The following KDM4C variants were observed in gnomAD, a reference collection of about 807,000 sequenced individuals.
KDM4C encodes lysine demethylase 4C, also known as lysine-specific demethylase 4C.
Under a neutral mutation model 129.3 loss-of-function variants are expected in KDM4C, and 81 were observed. That is an observed-to-expected ratio of 0.63 (90% CI 0.52 to 0.75). The LOEUF (loss-of-function observed/expected upper bound fraction) is 0.75. KDM4C is among the 30% of genes least tolerant of loss of function. KDM4C has a pLI of 0.00. For synonymous variants in KDM4C, 573 were observed against 456.1 expected, an observed-to-expected ratio of 1.26 and a Z score of -3.26; for missense variants, 1,457 against 1,304.0, an observed-to-expected ratio of 1.12 and a Z score of -1.81.
At chr9:6,742,681 A>AT (rs34282709) in intron 1 of KDM4C, among the ~76,000 whole-genome samples, 115,458 of 145,234 alleles carry the variant, frequency 0.79, 46,179 homozygotes, top group African/African-American at 0.92. Context: ...GGGGTGGGGA[A>AT]TTTTTTTTTT....
At chr9:6,918,488 C>G (rs1402401335) in intron 8 of KDM4C, among the ~76,000 whole-genome samples, 2 of 152,152 alleles carry the variant, frequency 1.3e-5, no homozygotes. Flanking sequence ...ATATAGAGTG[C>G]ATGTGTCTTT....
chr9:7,135,112 A>G (rs1841050790), intron 19 of KDM4C, among the ~76,000 whole-genome samples: 1 of 152,174 alleles, frequency 6.6e-6, no homozygotes, highest in African/African-American at 2.4e-5. Flanking sequence ...TGTGTGTCTC[A>G]CTGACCCCAA....
At chr9:6,857,922 GTTTTTTTTTTT>G (rs71487861) in intron 5 of KDM4C, among the ~76,000 whole-genome samples, 6 of 103,116 alleles carry the variant, frequency 5.8e-5, no homozygotes, top group East Asian at 6.5e-4. Flanking sequence ...ATCTGGCTAA[GTTTTTTTTTTT>G]TTTTTTTTTT....
In KDM4C at chr9:6,957,908, G is replaced by T. The variant is rs542471846; in HGVS notation, c.922-23017G>T. On this transcript the variant is annotated intron_variant, in intron 8 of 21. Transcript: ENST00000381309. ...TCGAGTACATATATTTTTAATTGAT[G>T]ATGGTAATAATAAACAGTGTTATCG... Among the ~76,000 whole-genome samples the T allele has an allele frequency of 1.1e-4, 16 of 152,282 alleles. No individual in the cohort carries two copies. In the South Asian group the frequency reaches 3.1e-3, roughly 30 times the overall value.
At chr9:7,119,467 A>G (rs531073605) in intron 18 of KDM4C, among the ~76,000 whole-genome samples, 3 of 152,302 alleles carry the variant, frequency 2.0e-5, no homozygotes, top group Non-Finnish European at 2.9e-5. Flanking sequence ...AATGGAAATC[A>G]TATTACCATT....
At chr9:6,885,696 AG>A (rs1404752495) in intron 6 of KDM4C, among the ~76,000 whole-genome samples, 1 of 151,890 alleles carries the variant, frequency 6.6e-6, no homozygotes, top group Non-Finnish European at 1.5e-5. Context: ...AGTGAGAGTG[AG>A]TATGAACCAT....
At chr9:6,887,144 C>A (rs1029968509) in intron 6 of KDM4C, among the ~76,000 whole-genome samples, 8 of 152,166 alleles carry the variant, frequency 5.3e-5, no homozygotes, top group African/African-American at 1.7e-4. Flanking sequence ...TTTTCCAATC[C>A]CTTCAGCATG....
intron 4 of KDM4C, among the ~76,000 whole-genome samples, chr9:6,821,595 G>A (rs1225440702): frequency 1.3e-5 from 2 of 151,754 alleles, no homozygotes; most frequent in African/African-American, 4.8e-5. Flanking sequence ...AAATTTGTTT[G>A]AGTTCTTTGT....
intron 5 of KDM4C, among the ~76,000 whole-genome samples, chr9:6,861,347 G>C (rs1340971835): frequency 1.3e-5 from 2 of 152,162 alleles, no homozygotes; most frequent in Non-Finnish European, 2.9e-5. Flanking sequence ...TCATAGATAT[G>C]TGCAGTTTCA....
intron 8 of KDM4C, among the ~76,000 whole-genome samples, chr9:6,946,570 C>G (rs561273000): frequency 3.7e-4 from 56 of 152,018 alleles, no homozygotes; most frequent in Non-Finnish European, 6.3e-4. Context: ...AAATCTCTAC[C>G]AAGTTTCTGT....
At chr9:7,150,894 C>A (rs994796439) in intron 19 of KDM4C, among the ~76,000 whole-genome samples, 2 of 152,148 alleles carry the variant, frequency 1.3e-5, no homozygotes, top group Non-Finnish European at 2.9e-5. Flanking sequence ...GAAAATATAC[C>A]TCTGAGGCTT....
chr9:7,028,541 C>T (rs990548767), intron 15 of KDM4C, among the ~76,000 whole-genome samples: 3 of 151,800 alleles, frequency 2.0e-5, no homozygotes, highest in African/African-American at 7.3e-5. Flanking sequence ...GCTCTGCTGC[C>T]TGAAATTGAG....
At position 7,081,928 on chromosome 9, in the gene KDM4C, G is replaced by A. The variant is rs760713417; in HGVS notation, c.2425-21757G>A. Among the ~76,000 whole-genome samples the A allele has an allele frequency of 2.6e-5, 4 of 152,244 alleles. No individual in the cohort carries two copies. The East Asian group carries it at 7.7e-4, about 29-fold the overall frequency. ...TCCTTTAGAAATTGAATCAGAGCAG[G>A]AACCCAGAGAGCTAGTTGCCGGCTA... is the stretch of plus-strand genomic sequence containing the variant. On this transcript the variant is annotated intron_variant, in intron 17 of 21. Transcript: ENST00000381309.
chr9:6,995,907 A>C (rs931105431), intron 12 of KDM4C, among the ~76,000 whole-genome samples: 21 of 152,102 alleles, frequency 1.4e-4, no homozygotes, highest in East Asian at 1.2e-3. Context: ...TGACCTCGTG[A>C]TCTGCCCACC....
At chr9:7,162,088 T>A (rs1214686908) in intron 19 of KDM4C, among the ~76,000 whole-genome samples, 1 of 152,230 alleles carries the variant, frequency 6.6e-6, no homozygotes, top group Non-Finnish European at 1.5e-5. Flanking sequence ...TATATGTCCT[T>A]CCAGCTGAAT....
chr9:6,767,778 T>A (rs927331763), intron 1 of KDM4C, among the ~76,000 whole-genome samples: 1 of 152,124 alleles, frequency 6.6e-6, no homozygotes, highest in African/African-American at 2.4e-5. Flanking sequence ...TCTATTTAAC[T>A]TTCAAAAAGG....
intron 17 of KDM4C, among the ~76,000 whole-genome samples, chr9:7,094,472 A>T (rs1425536471): frequency 2.0e-5 from 3 of 152,286 alleles, no homozygotes; most frequent in East Asian, 3.9e-4. Context: ...TGGAAACCCC[A>T]AATTTATCTC....
upstream of KDM4C, among the ~76,000 whole-genome samples, chr9:6,753,265 T>A (rs1018524502): frequency 6.6e-6 from 1 of 152,188 alleles, no homozygotes; most frequent in Non-Finnish European, 1.5e-5. Context: ...CCACCCTTAT[T>A]TCTGAAAGTC....
chr9:6,760,701 G>A (rs574989407), intron 1 of KDM4C, among the ~76,000 whole-genome samples: 7 of 152,048 alleles, frequency 4.6e-5, no homozygotes, highest in African/African-American at 1.2e-4. Flanking sequence ...CTCCTGAATA[G>A]CTGGGACTAC....
Sources: allele counts gnomAD v4.1 joint callset (sites outside exome capture counted in the v4.1 genomes callset), GRCh38; gene constraint gnomAD v4.1.1; transcripts MANE v1.5; gene names NCBI Gene and HGNC (gene_info 2026-07-23, HGNC 2026-07-21).